DCAF1: variants seen among roughly 807,000 people sequenced by gnomAD.
The protein encoded by DCAF1 is DDB1 and CUL4 associated factor 1.
DCAF1 carries 15 observed loss-of-function variants against 128.0 expected under a neutral mutation model. The ratio of observed to expected loss-of-function variants is 0.12; its 90% CI spans 0.08 to 0.18. The LOEUF is 0.18. Ranked by LOEUF, DCAF1 falls within the 10% of genes least tolerant of loss-of-function variation. The pLI is 1.00. For missense variants in DCAF1, 988 were observed against 1,649.5 expected, an observed-to-expected ratio of 0.60 and a Z score of 6.95; for synonymous variants, 610 against 603.0, an observed-to-expected ratio of 1.01 and a Z score of -0.17.
At chr3:51,474,928 G>A (rs2108278524) in intron 3 of DCAF1, among the ~76,000 whole-genome samples, 1 of 151,840 alleles carries the variant, frequency 6.6e-6, no homozygotes, top group East Asian at 1.9e-4. Context: ...GGGGTTACAG[G>A]TACATGCCAC....
At chr3:51,485,063 G>A (rs997589164) in intron 2 of DCAF1, among the ~76,000 whole-genome samples, 1 of 151,978 alleles carries the variant, frequency 6.6e-6, no homozygotes. Flanking sequence ...TTACAGGCAT[G>A]CACCACCACG....
chr3:51,477,677 T>A (rs1705648955), intron 3 of DCAF1, among the ~76,000 whole-genome samples: 1 of 152,130 alleles, frequency 6.6e-6, no homozygotes, highest in Non-Finnish European at 1.5e-5. Context: ...TGCCTCGCTA[T>A]GCAGTTTTTT....
intron 3 of DCAF1, among the ~76,000 whole-genome samples, chr3:51,481,668 G>A (rs1706214791): frequency 6.6e-6 from 1 of 151,760 alleles, no homozygotes; most frequent in African/African-American, 2.4e-5. Flanking sequence ...GCCTGGGGCA[G>A]AGAGCAAGAC....
intron 3 of DCAF1, among the ~76,000 whole-genome samples, chr3:51,476,773 G>C (rs1478513311): frequency 6.6e-6 from 1 of 151,990 alleles, no homozygotes; most frequent in Non-Finnish European, 1.5e-5. Flanking sequence ...AGATACTCAG[G>C]AGGCTGAGGC....
intron 3 of DCAF1, among the ~76,000 whole-genome samples, chr3:51,481,180 C>T (rs1375323518): frequency 2.6e-5 from 4 of 152,108 alleles, no homozygotes; most frequent in African/African-American, 4.8e-5. Context: ...TAAGCCACAT[C>T]ATAAATGGCC....
At chr3:51,465,584 A>G (rs1485351053) in intron 5 of DCAF1, among the ~76,000 whole-genome samples, 1 of 151,956 alleles carries the variant, frequency 6.6e-6, no homozygotes. Flanking sequence ...TCTCTACTAA[A>G]AATACAAAAA....
intron 17 of DCAF1, among the ~76,000 whole-genome samples, chr3:51,417,796 G>A (rs1699026906): frequency 1.4e-5 from 2 of 146,772 alleles, no homozygotes; most frequent in Non-Finnish European, 1.5e-5. Context: ...AAAAGGAGGG[G>A]AGGTGAGGGG....
intron 23 of DCAF1, among the ~76,000 whole-genome samples, chr3:51,406,286 T>C (rs1412420457): frequency 7.6e-6 from 1 of 132,400 alleles, no homozygotes; most frequent in African/African-American, 2.9e-5. Context: ...GAGCTTGCAG[T>C]GAGCCGAGAT....
intron 6 of DCAF1, 133 bp from the exon 7 acceptor site, chr3:51,444,036 C>G: frequency 5.5e-6 from 4 of 732,578 alleles, no homozygotes; most frequent in Non-Finnish European, 8.3e-6. Context: ...AGTACTACTA[C>G]AGCATCCAAT....
chr3:51,411,909 G>A (rs1326514484), intron 23 of DCAF1, among the ~76,000 whole-genome samples: 2 of 151,822 alleles, frequency 1.3e-5, no homozygotes, highest in African/African-American at 2.4e-5. Context: ...CAGGAGGTTC[G>A]AGACCAGCCT....
intron 3 of DCAF1, among the ~76,000 whole-genome samples, chr3:51,477,841 C>G (rs1450205307): frequency 1.3e-5 from 2 of 152,118 alleles, no homozygotes; most frequent in African/African-American, 4.8e-5. Context: ...AACTGATTCA[C>G]TCATTTTCTT....
intron 9 of DCAF1, among the ~76,000 whole-genome samples, chr3:51,434,470 G>A (rs1384978624): frequency 1.3e-5 from 2 of 152,138 alleles, no homozygotes; most frequent in African/African-American, 4.8e-5. Context: ...GTGAAAAACT[G>A]CAGTTTTTGC....
At chr3:51,479,434 T>G (rs977856137) in intron 3 of DCAF1, among the ~76,000 whole-genome samples, 4 of 151,438 alleles carry the variant, frequency 2.6e-5, no homozygotes, top group African/African-American at 9.7e-5. Context: ...GCCCAGGAAG[T>G]TGAGGTTGCA....
chr3:51,404,234 G>A (rs1553625930), intron 23 of DCAF1, among the ~76,000 whole-genome samples: 6 of 152,286 alleles, frequency 3.9e-5, no homozygotes, highest in African/African-American at 9.6e-5. Context: ...CCAAGTAAAC[G>A]TAGCTGCCAC....
intron 6 of DCAF1, among the ~76,000 whole-genome samples, chr3:51,444,863 G>A (rs1468261512): frequency 1.3e-5 from 2 of 150,834 alleles, no homozygotes; most frequent in East Asian, 3.9e-4. Flanking sequence ...TTTTAGTAGA[G>A]ACGGGGTTTC....
At chr3:51,447,706 G>A (rs1419287326) in intron 6 of DCAF1, among the ~76,000 whole-genome samples, 4 of 152,080 alleles carry the variant, frequency 2.6e-5, no homozygotes, top group Non-Finnish European at 2.9e-5. Context: ...CCAGCACTTC[G>A]GGAGGCCGAG....
At chr3:51,400,316 T>C (rs541359854) in intron 24 of DCAF1, among the ~76,000 whole-genome samples, 1 of 152,176 alleles carries the variant, frequency 6.6e-6, no homozygotes, top group East Asian at 1.9e-4. Context: ...CAGCACTGTG[T>C]CCCCACCCCA....
chr3:51,456,341 A>T (rs879998788), intron 6 of DCAF1, among the ~76,000 whole-genome samples: 1 of 152,192 alleles, frequency 6.6e-6, no homozygotes, highest in Admixed American at 6.5e-5. Flanking sequence ...AACTGCAAGG[A>T]AGCAGTGAGA....
chr3:51,413,490 T>C (rs1471689270), intron 20 of DCAF1, 104 bp from the exon 21 acceptor site: 7 of 1,472,776 alleles, frequency 4.8e-6, no homozygotes, highest in Middle Eastern at 1.8e-4. Context: ...TACTTGCATA[T>C]AGGTTTACAT....
Sources: gnomAD v4.1 joint callset for allele counts (sites outside exome capture counted in the v4.1 genomes callset) on GRCh38, gnomAD v4.1.1 for gene constraint, MANE v1.5 for transcripts, NCBI Gene and HGNC (gene_info 2026-07-23, HGNC 2026-07-21) for gene names.